Variants in PCDHA12 observed in about 807,000 individuals in gnomAD.
PCDHA12 encodes the protein protocadherin alpha-12.
Under a neutral mutation model 60.0 loss-of-function variants are expected in PCDHA12, and 44 were observed. The observed-to-expected ratio is 0.73, with a 90% CI of 0.58 to 0.94. PCDHA12 has a LOEUF of 0.94. Ranked by LOEUF, PCDHA12 falls within the 40% of genes least tolerant of loss-of-function variation. The pLI is 0.00. For synonymous variants in PCDHA12, 569 were observed against 553.0 expected, an observed-to-expected ratio of 1.03 and a Z score of -0.40; for missense variants, 1,276 against 1,239.7, an observed-to-expected ratio of 1.03 and a Z score of -0.44.
chr5:140,922,898 T>A (rs916788135), intron 1 of PCDHA12, among the ~76,000 whole-genome samples: 2 of 152,022 alleles, frequency 1.3e-5, no homozygotes, highest in African/African-American at 4.8e-5. Flanking sequence ...CAAGAAAAAA[T>A]TTTGAGATAC....
rs781837708 is a variant in PCDHA12, at chr5:140,875,917, GAC to G, written c.446_447del (p.Asp149ValfsTer10). On this transcript the variant is annotated frameshift_variant, in exon 1 of 4. Coordinates refer to ENST00000398631, the MANE Select transcript of PCDHA12 (RefSeq NM_018903.4). LOFTEE classifies it high-confidence loss of function. ...KVPVSESAPL[D>X]SHFPLEGASD... Reference sequence around the variant, plus strand: ...ACCTGTTTCTGAATCTGCGCCTCTGGACTCTCATTTTCCTCTAGAGGGCGCTT... The same window carrying G: ...ACCTGTTTCTGAATCTGCGCCTCTGGTCTCATTTTCCTCTAGAGGGCGCTT... 20 of 1,614,146 alleles carry G rather than the reference GAC, an allele frequency of 1.2e-5. 1 individual carries two copies. In the South Asian group the frequency reaches 2.1e-4, roughly 17 times the overall value.
chr5:140,929,517 A>G, intron 1 of PCDHA12: 1 of 761,634 alleles, frequency 1.3e-6, no homozygotes, highest in Non-Finnish European at 1.9e-6. Context: ...CAAGGGACTT[A>G]TAGTTTATTT....
intron 1 of PCDHA12, among the ~76,000 whole-genome samples, chr5:140,924,615 C>G (rs142536325): frequency 6.6e-6 from 1 of 152,150 alleles, no homozygotes; most frequent in African/African-American, 2.4e-5. Flanking sequence ...ATGCCAGGTG[C>G]GGTGGCATGG....
rs1554169807 is a variant in PCDHA12, at chr5:140,877,526, G to T, written c.2054G>T (p.Gly685Val). 1.2e-6 allele frequency: 2 copies of T among 1,613,676 alleles called. No individual in the cohort carries two copies. The highest frequency in any genetic ancestry group is 2.7e-5 in the African/African-American group (2 of 74,924). The change falls in exon 1 of 4, where the codon GGC becomes GTC. Residue 685 changes from glycine (G) to valine (V), a missense_variant. By Grantham distance (109) the Gly-to-Val change is moderately radical (BLOSUM62 -3). Coordinates refer to ENST00000398631, the MANE Select transcript of PCDHA12 (RefSeq NM_018903.4). The stretch of plus-strand genomic sequence containing the variant: ...AAGACGTCGTCGCGGGCCTCAGTGG[G>T]CGCTGTGGATCCCGAAGCGGCTCTG... ...APKTSSRASV[G>V]AVDPEAALVD...
intron 3 of PCDHA12, among the ~76,000 whole-genome samples, chr5:140,983,386 A>G (rs1426409765): frequency 2.6e-5 from 4 of 152,216 alleles, no homozygotes. Context: ...TCGCTGTGGC[A>G]GTTTTCAGAA....
chr5:140,913,821 A>G (rs2153527973), intron 1 of PCDHA12, among the ~76,000 whole-genome samples: 1 of 152,122 alleles, frequency 6.6e-6, no homozygotes, highest in East Asian at 1.9e-4. Context: ...TTCCTTTTAA[A>G]TTTCTTTATT....
In PCDHA12 at chr5:140,882,301, G is replaced by A. The variant is rs145574763; in HGVS notation, c.2367+4462G>A. 188 of 1,613,800 alleles carry A rather than the reference G, an allele frequency of 1.2e-4. No homozygotes were observed. In the African/African-American group the frequency reaches 2.1e-3, roughly 18 times the overall value. Reference sequence around the variant, plus strand: ...CTTCCTGGCAAGGAGGCCCAAGACCGCGGCAACTACTGCTCTGGCTTCTGA... The same window carrying A: ...CTTCCTGGCAAGGAGGCCCAAGACCACGGCAACTACTGCTCTGGCTTCTGA... On this transcript the variant is annotated intron_variant, in intron 1 of 3. Coordinates refer to ENST00000398631, the MANE Select transcript of PCDHA12 (RefSeq NM_018903.4).
chr5:141,004,933 AAAAT>A (rs1336216932), intron 3 of PCDHA12, among the ~76,000 whole-genome samples: 1 of 152,198 alleles, frequency 6.6e-6, no homozygotes, highest in Non-Finnish European at 1.5e-5. Flanking sequence ...AAGAGAGAAG[AAAAT>A]TTCTTACCCT....
chr5:140,926,726 C>T, intron 1 of PCDHA12: 1 of 1,046,502 alleles, frequency 9.6e-7, no homozygotes, highest in Non-Finnish European at 1.3e-6. Flanking sequence ...GCAATGCCGG[C>T]GTTCGGGAGG....
chr5:140,930,084 A>T (rs1350674790), intron 1 of PCDHA12: 2 of 152,142 alleles, frequency 1.3e-5, no homozygotes, highest in Non-Finnish European at 2.9e-5. Flanking sequence ...CTCTCATAAC[A>T]TCTATTTATA....
intron 1 of PCDHA12, chr5:140,927,596 G>T: frequency 6.2e-7 from 1 of 1,614,162 alleles, no homozygotes; most frequent in Non-Finnish European, 8.5e-7. Context: ...GTATTTGAGC[G>T]CTCCGTATAC....
chr5:140,972,661 T>C, intron 1 of PCDHA12, among the ~76,000 whole-genome samples: 1 of 48,668 alleles, frequency 2.1e-5, no homozygotes, highest in South Asian at 6.9e-4. Flanking sequence ...AGAAACCAAA[T>C]TTTTTTTTTT....
At position 141,007,395 on chromosome 5, in the gene PCDHA12, C is replaced by CA. The variant is rs35800918; in HGVS notation, c.2516-2209dup. 5.3e-3 allele frequency among the ~76,000 whole-genome samples: 498 copies of CA among 94,810 alleles called. 4 individuals carry two copies. The highest frequency in any genetic ancestry group is 0.049 in the East Asian group (166 of 3,398). 62.2% of individuals were successfully genotyped at this position (94,810 alleles called of 152,430 possible). On this transcript the variant is annotated intron_variant, in intron 3 of 3. Transcript: ENST00000398631. The stretch of plus-strand genomic sequence containing the variant: ...ATGGAACACCATCTCTACTAAAATA[C>CA]AAAAAAAAAAAAAAAAAAAAAAATT...
chr5:140,876,596 C>T lies in PCDHA12; in HGVS notation c.1124C>T (p.Ser375Leu), dbSNP rs1361945795. ...VGTVIALISV[S>L]DRDSGANGQV... ...ACCGTCATTGCCCTGATTAGCGTGT[C>T]GGATCGTGACTCTGGAGCCAATGGA... Residue 375 changes from serine (S) to leucine (L), a missense_variant, in exon 1 of 4, where the codon TCG becomes TTG. Ser to Leu is a moderately radical substitution (Grantham distance 145). Transcript: ENST00000398631. 6.2e-7 allele frequency: 1 copy of T among 1,614,040 alleles called. No homozygotes were observed. The highest frequency in any genetic ancestry group is 2.2e-5 in the East Asian group (1 of 44,890).
intron 3 of PCDHA12, among the ~76,000 whole-genome samples, chr5:141,004,659 G>C (rs1012907350): frequency 1.3e-5 from 2 of 152,182 alleles, no homozygotes; most frequent in Admixed American, 1.3e-4. Context: ...GGCTCTGAGG[G>C]CAACTAAAGG....
At position 140,882,956 on chromosome 5, in the gene PCDHA12, A is replaced by G; in HGVS notation, c.2367+5117A>G. The stretch of plus-strand genomic sequence containing the variant: ...GCTGACTGGCACAGTTCAGCTGCTC[A>G]TCACGATTCTGGACGTGAATGACAA... On this transcript the variant is annotated intron_variant, in intron 1 of 3. Coordinates refer to ENST00000398631, the MANE Select transcript of PCDHA12 (RefSeq NM_018903.4). The G allele has an allele frequency of 6.2e-7, 1 of 1,614,228 alleles. No individual in the cohort carries two copies. The highest frequency in any genetic ancestry group is 8.5e-7 in the Non-Finnish European group (1 of 1,180,044).
intron 1 of PCDHA12, among the ~76,000 whole-genome samples, chr5:140,922,818 C>G (rs530870255): frequency 6.6e-6 from 1 of 152,326 alleles, no homozygotes; most frequent in South Asian, 2.1e-4. Context: ...GGAGATACAG[C>G]ATACTGCTAA....
chr5:140,918,238 T>A (rs1486197237), intron 1 of PCDHA12, among the ~76,000 whole-genome samples: 3 of 152,176 alleles, frequency 2.0e-5, no homozygotes, highest in African/African-American at 7.2e-5. Context: ...GTACATTGAT[T>A]TTGTATGCTG....
In PCDHA12 at chr5:140,920,607, A is replaced by G. The variant is rs185483487; in HGVS notation, c.2367+42768A>G. Among the ~76,000 whole-genome samples the G allele has an allele frequency of 8.0e-3, 1,215 of 152,266 alleles. 5 individuals are homozygous for G. Among genetic ancestry groups the G allele is most frequent in the African/African-American group, 0.019 (784 of 41,544 alleles). On this transcript the variant is annotated intron_variant, in intron 1 of 3. Coordinates refer to ENST00000398631, the MANE Select transcript of PCDHA12 (RefSeq NM_018903.4). ...ACGCCTGTAATCCCAGCACTTTGGG[A>G]GGCCGAGGCGGATGGATCACAAGGT...
Sources: gnomAD v4.1 joint callset for allele counts (sites outside exome capture counted in the v4.1 genomes callset) on GRCh38, gnomAD v4.1.1 for gene constraint, MANE v1.5 for transcripts, NCBI Gene and HGNC (gene_info 2026-07-23, HGNC 2026-07-21) for gene names.